The following ST6GALNAC3 variants were observed in gnomAD, a reference collection of about 807,000 sequenced individuals.
ST6GALNAC3 encodes the protein alpha-N-acetylgalactosaminide alpha-2,6-sialyltransferase 3.
ST6GALNAC3 carries 25 observed loss-of-function variants against 32.7 expected under a neutral mutation model. The ratio of observed to expected loss-of-function variants is 0.76; its 90% CI spans 0.56 to 1.07. The LOEUF (loss-of-function observed/expected upper bound fraction) is 1.07. ST6GALNAC3 is among the 50% of genes least tolerant of loss of function. ST6GALNAC3 has a pLI of 0.00. For synonymous variants in ST6GALNAC3, 129 were observed against 133.1 expected, an observed-to-expected ratio of 0.97 and a Z score of 0.21; for missense variants, 355 against 382.4, an observed-to-expected ratio of 0.93 and a Z score of 0.60.
chr1:76,252,882 G>A (rs1178047349), intron 1 of ST6GALNAC3, among the ~76,000 whole-genome samples: 1 of 152,090 alleles, frequency 6.6e-6, no homozygotes, highest in Non-Finnish European at 1.5e-5. Flanking sequence ...TTGCTGATGA[G>A]GTCTACCTTA....
intron 3 of ST6GALNAC3, among the ~76,000 whole-genome samples, chr1:76,435,055 T>C (rs1293197713): frequency 2.0e-5 from 3 of 152,060 alleles, no homozygotes; most frequent in Non-Finnish European, 4.4e-5. Context: ...CCTCCCAAAG[T>C]GCTGGGATTA....
chr1:76,322,962 T>C (rs1198859716), intron 2 of ST6GALNAC3, among the ~76,000 whole-genome samples: 44 of 152,114 alleles, frequency 2.9e-4, no homozygotes, highest in Admixed American at 2.9e-3. Context: ...TGCCTCAGCC[T>C]CCCGAGTAGC....
chr1:76,221,236 A>G (rs974603567), intron 1 of ST6GALNAC3, among the ~76,000 whole-genome samples: 1 of 152,170 alleles, frequency 6.6e-6, no homozygotes, highest in Non-Finnish European at 1.5e-5. Flanking sequence ...ATGTCGCATA[A>G]TTTGATTAAT....
At chr1:76,361,144 T>G (rs1649900777) in intron 2 of ST6GALNAC3, among the ~76,000 whole-genome samples, 1 of 152,142 alleles carries the variant, frequency 6.6e-6, no homozygotes, top group Non-Finnish European at 1.5e-5. Context: ...ATGAAGCATA[T>G]TTGCATTGTT....
intron 1 of ST6GALNAC3, among the ~76,000 whole-genome samples, chr1:76,139,360 A>G (rs1037330901): frequency 6.6e-6 from 1 of 152,204 alleles, no homozygotes; most frequent in Non-Finnish European, 1.5e-5. Context: ...AAATATACAT[A>G]TAAACATATA....
intron 3 of ST6GALNAC3, among the ~76,000 whole-genome samples, chr1:76,515,413 T>C (rs1662114582): frequency 6.6e-6 from 1 of 152,128 alleles, no homozygotes; most frequent in African/African-American, 2.4e-5. Context: ...AGTCTCTGTT[T>C]ATTTCTGCTC....
intron 1 of ST6GALNAC3, among the ~76,000 whole-genome samples, chr1:76,215,221 T>G (rs1655386272): frequency 6.6e-6 from 1 of 152,156 alleles, no homozygotes; most frequent in Non-Finnish European, 1.5e-5. Context: ...CTTAAAAGTT[T>G]CATATGGGTA....
chr1:76,441,633 C>T (rs963517994), intron 3 of ST6GALNAC3, among the ~76,000 whole-genome samples: 1 of 152,166 alleles, frequency 6.6e-6, no homozygotes, highest in Non-Finnish European at 1.5e-5. Context: ...AATCCAATTA[C>T]ACTCTTTTAG....
At chr1:76,606,885 A>ATTTTTTTT in intron 3 of ST6GALNAC3, among the ~76,000 whole-genome samples, 1 of 143,074 alleles carries the variant, frequency 7.0e-6, no homozygotes, top group Non-Finnish European at 1.5e-5. Flanking sequence ...ATGCCGACCG[A>ATTTTTTTT]TTCTCCAACA....
intron 1 of ST6GALNAC3, among the ~76,000 whole-genome samples, chr1:76,244,214 G>C (rs1657129039): frequency 6.6e-6 from 1 of 152,040 alleles, no homozygotes; most frequent in Non-Finnish European, 1.5e-5. Context: ...TAGCAATTGT[G>C]AATGGGAGTT....
Position 76,412,307 on chromosome 1 carries a change from C to T in ST6GALNAC3, c.513C>T (p.Asn171=). ...AAGATGGCAATGGCATCGTTTACAA[C>T]ATGTTGAAAAAGACAGTTGGTATCT... ...MRKDGNGIVY[N]MLKKTVGIYP... The change falls in exon 3 of 5, where the codon AAC becomes AAT. Residue 171 remains asparagine (N), a synonymous_variant. Transcript: ENST00000328299. The T allele has an allele frequency of 5.0e-6, 8 of 1,613,588 alleles. No homozygotes were observed. Among genetic ancestry groups the T allele is most frequent in the South Asian group, 1.1e-5 (1 of 91,048 alleles).
At chr1:76,608,098 AC>A (rs1647679222) in intron 3 of ST6GALNAC3, among the ~76,000 whole-genome samples, 1 of 152,232 alleles carries the variant, frequency 6.6e-6, no homozygotes, top group African/African-American at 2.4e-5. Flanking sequence ...CATATGAAGT[AC>A]AATTTCATTA....
At chr1:76,512,175 T>G (rs1012827993) in intron 3 of ST6GALNAC3, among the ~76,000 whole-genome samples, 1 of 152,176 alleles carries the variant, frequency 6.6e-6, no homozygotes, top group African/African-American at 2.4e-5. Flanking sequence ...TACTTGAATA[T>G]TTTGATTTTT....
intron 1 of ST6GALNAC3, among the ~76,000 whole-genome samples, chr1:76,274,533 A>G (rs1163281204): frequency 6.6e-6 from 1 of 152,188 alleles, no homozygotes; most frequent in African/African-American, 2.4e-5. Flanking sequence ...CAAGTAAGCA[A>G]TTCAAGAACC....
intron 3 of ST6GALNAC3, among the ~76,000 whole-genome samples, chr1:76,525,802 T>TAC (rs1483529354): frequency 4.4e-5 from 3 of 68,118 alleles, no homozygotes; most frequent in African/African-American, 2.9e-4. Flanking sequence ...TATATATATA[T>TAC]ATATATATAT....
Position 76,144,728 on chromosome 1 carries a change from G to A in ST6GALNAC3, c.18+69844G>A, listed in dbSNP as rs190499559. The stretch of plus-strand genomic sequence containing the variant: ...GAAGCAAACTAGTCTATAGTTCCTG[G>A]TATCTTCTTTTCTTGAAAAGTTGAC... On this transcript the variant is annotated intron_variant, in intron 1 of 4. Transcript: ENST00000328299. 3.3e-4 allele frequency among the ~76,000 whole-genome samples: 51 copies of A among 152,254 alleles called. 1 individual carries two copies. Among genetic ancestry groups the A allele is most frequent in the African/African-American group, 1.1e-3 (46 of 41,536 alleles).
chr1:76,323,586 A>G (rs1020246345), intron 2 of ST6GALNAC3, among the ~76,000 whole-genome samples: 1 of 152,166 alleles, frequency 6.6e-6, no homozygotes. Context: ...ACTACATGCA[A>G]CGCACTGTGC....
At chr1:76,211,043 G>A (rs1330248684) in intron 1 of ST6GALNAC3, among the ~76,000 whole-genome samples, 2 of 152,080 alleles carry the variant, frequency 1.3e-5, no homozygotes, top group East Asian at 3.9e-4. Context: ...CTTCTTATGG[G>A]GACACTGGTC....
At chr1:76,337,230 A>G (rs1647562821) in intron 2 of ST6GALNAC3, among the ~76,000 whole-genome samples, 1 of 152,086 alleles carries the variant, frequency 6.6e-6, no homozygotes, top group South Asian at 2.1e-4. Flanking sequence ...TGCATTCCCC[A>G]AGCACTCTCT....
Sources: gnomAD v4.1 joint callset for allele counts (sites outside exome capture counted in the v4.1 genomes callset) on GRCh38, gnomAD v4.1.1 for gene constraint, MANE v1.5 for transcripts, NCBI Gene and HGNC (gene_info 2026-07-23, HGNC 2026-07-21) for gene names.